TOPBP1: variants seen among roughly 807,000 people sequenced by gnomAD.
TOPBP1 encodes DNA topoisomerase 2-binding protein 1.
TOPBP1 carries 28 observed loss-of-function variants against 167.7 expected under a neutral mutation model. That is an observed-to-expected ratio of 0.17 (90% CI 0.12 to 0.23). TOPBP1 has a LOEUF of 0.23. TOPBP1 is among the 10% of genes least tolerant of loss of function. TOPBP1 has a pLI of 1.00. For synonymous variants in TOPBP1, 598 were observed against 611.4 expected, an observed-to-expected ratio of 0.98 and a Z score of 0.32; for missense variants, 1,554 against 1,809.6, an observed-to-expected ratio of 0.86 and a Z score of 2.56.
rs191567000 is a variant in TOPBP1 at position 133,655,189 on chromosome 3, A to G, written c.742+101T>C. On this transcript the variant is annotated intron_variant, in intron 6 of 27. Transcript: ENST00000260810. The stretch of plus-strand genomic sequence containing the variant: ...CACTGCCCTCCAGCCTGGGCAATAG[A>G]GCAAGACTCTGTCTCAAAATAAATA... The G allele has an allele frequency of 1.6e-4, 123 of 783,458 alleles. No individual in the cohort carries two copies. The East Asian group carries it at 5.1e-3, about 32-fold the overall frequency. The allele number at this position is 783,458 out of a possible 1,614,324, so 48.5% of individuals were successfully genotyped here.
In TOPBP1 at chr3:133,652,328, G is replaced by A; in HGVS notation, c.1089+135C>T. On this transcript the variant is annotated intron_variant, in intron 8 of 27. Coordinates refer to ENST00000260810, the MANE Select transcript of TOPBP1 (RefSeq NM_007027.4). ...CCAAAGGATGGACATGGTCTAGTAA[G>A]TGCATCTACTTAGCTAGAGTGGAGG... The A allele has an allele frequency of 3.7e-6, 3 of 820,864 alleles. No homozygotes were observed. The South Asian group carries it at 5.0e-5, about 14-fold the overall frequency. 50.8% of individuals were successfully genotyped at this position (820,864 alleles called of 1,614,324 possible).
In TOPBP1 at chr3:133,600,872, A is replaced by T. The variant is rs528055426; in HGVS notation, c.*378T>A. 2.6e-4 allele frequency: 44 copies of T among 167,628 alleles called. No individual in the cohort carries two copies. Among genetic ancestry groups the T allele is most frequent in the Non-Finnish European group, 4.4e-4 (35 of 78,832 alleles). The allele number at this position is 167,628 out of a possible 1,614,324, so 10.4% of individuals were successfully genotyped here. ...AAACATGAATAAATGCTGACTGACA[A>T]ATCTTGTTGTTATGAATTTGTAAGG... On this transcript the variant is annotated 3_prime_UTR_variant, in exon 28 of 28. Coordinates refer to ENST00000260810, the MANE Select transcript of TOPBP1 (RefSeq NM_007027.4).
At chr3:133,612,650 A>T in intron 23 of TOPBP1, 98 bp from the exon 24 acceptor site, 1 of 1,229,290 alleles carries the variant, frequency 8.1e-7, no homozygotes, top group South Asian at 1.8e-5. Flanking sequence ...TATAAATAAA[A>T]TGCCCCAAAC....
intron 8 of TOPBP1, among the ~76,000 whole-genome samples, chr3:133,650,744 T>C (rs1936264613): frequency 1.3e-5 from 2 of 152,212 alleles, no homozygotes; most frequent in Admixed American, 6.5e-5. Context: ...TTTGGAATCA[T>C]ATACTTTCTA....
At chr3:133,609,154 A>G (rs1302362037) in intron 25 of TOPBP1, among the ~76,000 whole-genome samples, 192 bp from the exon 26 acceptor site, 1 of 152,238 alleles carries the variant, frequency 6.6e-6, no homozygotes, top group Non-Finnish European at 1.5e-5. Flanking sequence ...TAGGCCATCA[A>G]GAAATACGTG....
chr3:133,607,280 C>A (rs570838384), intron 27 of TOPBP1, among the ~76,000 whole-genome samples: 2 of 151,954 alleles, frequency 1.3e-5, no homozygotes, highest in East Asian at 3.9e-4. Flanking sequence ...TTGGGATGCT[C>A]AATCTGTATA....
intron 16 of TOPBP1, among the ~76,000 whole-genome samples, chr3:133,627,726 TGGA>T (rs1935312812): frequency 6.6e-6 from 1 of 152,162 alleles, no homozygotes; most frequent in African/African-American, 2.4e-5. Flanking sequence ...TTACAGCTAG[TGGA>T]GGAGTACAGT....
intron 27 of TOPBP1, among the ~76,000 whole-genome samples, chr3:133,605,746 A>G: frequency 6.6e-6 from 1 of 152,218 alleles, no homozygotes; most frequent in East Asian, 1.9e-4. Context: ...TCTATTCAGC[A>G]GCATACTTGA....
chr3:133,623,497 AT>A, intron 17 of TOPBP1, 40 bp from the exon 18 acceptor site: 2 of 1,557,646 alleles, frequency 1.3e-6, no homozygotes, highest in South Asian at 2.4e-5. Flanking sequence ...GACTGACAAA[AT>A]CTTAATGAAT....
intron 27 of TOPBP1, among the ~76,000 whole-genome samples, chr3:133,601,673 A>C (rs925976837): frequency 3.3e-5 from 5 of 152,158 alleles, no homozygotes; most frequent in African/African-American, 1.2e-4. Flanking sequence ...CCCATTTTTG[A>C]GATAAAATAA....
chr3:133,641,364 T>C (rs1935885131), intron 12 of TOPBP1, among the ~76,000 whole-genome samples: 1 of 152,118 alleles, frequency 6.6e-6, no homozygotes, highest in African/African-American at 2.4e-5. Flanking sequence ...ACAAAATATA[T>C]ATTTGTTTGT....
chr3:133,643,178 G>A lies in TOPBP1; in HGVS notation c.2021+22C>T, dbSNP rs756204408. 10 of 1,544,966 alleles carry A rather than the reference G, an allele frequency of 6.5e-6. No homozygotes were observed. The Admixed American group carries it at 1.1e-4, about 17-fold the overall frequency. On this transcript the variant is annotated intron_variant, in intron 12 of 27. Transcript: ENST00000260810. ...ATAAAAAGATACACCAATACAACAG[G>A]TGCATTAAAAATATTACATACCTTG...
chr3:133,601,427 G>T, intron 27 of TOPBP1, 34 bp from the exon 28 acceptor site: 1 of 1,400,112 alleles, frequency 7.1e-7, no homozygotes, highest in South Asian at 1.4e-5. Flanking sequence ...TTTTTAAAAT[G>T]ATTTCAAACA....
intron 14 of TOPBP1, among the ~76,000 whole-genome samples, 183 bp from the exon 15 acceptor site, chr3:133,628,916 A>G (rs1270181363): frequency 6.6e-6 from 1 of 152,188 alleles, no homozygotes; most frequent in East Asian, 1.9e-4. Flanking sequence ...ATAACAAGAA[A>G]AAGAATAAAC....
intron 25 of TOPBP1, 68 bp downstream of exon 25, chr3:133,610,936 A>T (rs1934652911): frequency 1.9e-5 from 26 of 1,370,288 alleles, no homozygotes; most frequent in South Asian, 5.8e-5. Context: ...ATTCTCTTTT[A>T]AAAAAAATGT....
chr3:133,619,022 A>T (rs1028773982), intron 20 of TOPBP1, among the ~76,000 whole-genome samples: 9 of 152,108 alleles, frequency 5.9e-5, no homozygotes, highest in Middle Eastern at 6.8e-3. Flanking sequence ...ACGTGACAGT[A>T]AATAGAAGTC....
intron 11 of TOPBP1, among the ~76,000 whole-genome samples, chr3:133,643,641 CA>C (rs1420123330): frequency 2.0e-5 from 3 of 151,844 alleles, no homozygotes; most frequent in Admixed American, 6.6e-5. Context: ...CTTTAAATTT[CA>C]TTCCTTCTAA....
intron 1 of TOPBP1, 66 bp from the exon 2 acceptor site, chr3:133,661,200 C>T: frequency 8.0e-7 from 1 of 1,247,950 alleles, no homozygotes; most frequent in Non-Finnish European, 1.1e-6. Flanking sequence ...CATGTTTAAC[C>T]TACCTATTTT....
Position 133,657,805 on chromosome 3 carries a change from T to G in TOPBP1, c.356A>C (p.Glu119Ala). The G allele has an allele frequency of 6.5e-7, 1 of 1,537,748 alleles. No individual in the cohort carries two copies. Among genetic ancestry groups the G allele is most frequent in the South Asian group, 1.3e-5 (1 of 78,964 alleles). Residue 119 changes from glutamate to alanine, a missense_variant, in exon 4 of 28, where the codon GAA (glutamate) becomes GCA (alanine). Physicochemically the swap from Glu to Ala is moderately radical, Grantham distance 107. This residue lies in a region of TOPBP1 where 1,197 missense variants were observed against 1,351.5 expected (regional missense o/e 0.89). Coordinates refer to ENST00000260810, the MANE Select transcript of TOPBP1 (RefSeq NM_007027.4). ...VTISCTSLEK[E>A]KREEVHKYVQ... ...CATGAGATCAATATCTACCCTTTTT[T>G]CTTTTTCCAGACTTGTACAAGATAT...
Sources: allele counts gnomAD v4.1 joint callset (sites outside exome capture counted in the v4.1 genomes callset), GRCh38; gene constraint gnomAD v4.1.1; regional missense constraint gnomAD v4.1.1; transcripts MANE v1.5; gene names NCBI Gene and HGNC (gene_info 2026-07-23, HGNC 2026-07-21).